CERT1: variants seen among roughly 807,000 people sequenced by gnomAD.
CERT1 encodes ceramide transfer protein.
Under a neutral mutation model 87.9 loss-of-function variants are expected in CERT1, and 31 were observed. That is an observed-to-expected ratio of 0.35 (90% confidence interval 0.27 to 0.48). CERT1 has a LOEUF of 0.48. CERT1 is among the 20% of genes least tolerant of loss of function. The probability of loss-of-function intolerance (pLI) is 0.99; values close to 1 mark genes in which losing one functional copy is unlikely to be tolerated. For missense variants in CERT1, 487 were observed against 758.0 expected (o/e 0.64, Z 4.20); for synonymous variants, 289 against 250.9 (o/e 1.15, Z -1.44).
intron 2 of CERT1, among the ~76,000 whole-genome samples, chr5:75,482,997 C>T (rs925626408): frequency 9.2e-5 from 14 of 151,922 alleles, no homozygotes; most frequent in African/African-American, 3.4e-4. Context: ...ACATCCATAG[C>T]ATTAAGAACA....
At position 75,426,488 on chromosome 5, in the gene CERT1, A is replaced by C. The variant is rs1763623241; in HGVS notation, c.349-10T>G. 3 of 1,579,336 alleles carry C rather than the reference A, an allele frequency of 1.9e-6. No homozygotes were observed. Among genetic ancestry groups the C allele is most frequent in the Admixed American group, 1.7e-5 (1 of 59,096 alleles). Reference sequence around the variant, plus strand: ...CATATCCAGATTCAGTCTAAAAAAAAAAGTAAACTATGTGAAAAGAATTTA... The same window carrying C: ...CATATCCAGATTCAGTCTAAAAAAACAAGTAAACTATGTGAAAAGAATTTA... On this transcript the variant is annotated splice_polypyrimidine_tract_variant and intron_variant, in intron 3 of 16. Transcript: ENST00000643780.
At chr5:75,411,400 G>A (rs1161412128) in intron 7 of CERT1, among the ~76,000 whole-genome samples, 2 of 152,104 alleles carry the variant, frequency 1.3e-5, no homozygotes, top group Non-Finnish European at 2.9e-5. Flanking sequence ...TGCAACCTCC[G>A]CCTCCTGGGT....
chr5:75,430,122 T>C (rs558051357), intron 3 of CERT1, among the ~76,000 whole-genome samples: 1 of 152,266 alleles, frequency 6.6e-6, no homozygotes, highest in African/African-American at 2.4e-5. Context: ...AGGCAGACAC[T>C]AGGAATTTAT....
intron 2 of CERT1, among the ~76,000 whole-genome samples, chr5:75,483,850 GA>G (rs930876567): frequency 1.1e-3 from 154 of 141,660 alleles, no homozygotes; most frequent in Middle Eastern, 3.6e-3. Context: ...TCAGTCTGGG[GA>G]AAAAAAAAAA....
At chr5:75,447,477 T>TATTTA (rs575951035) in intron 3 of CERT1, among the ~76,000 whole-genome samples, 3 of 129,458 alleles carry the variant, frequency 2.3e-5, no homozygotes, top group African/African-American at 7.2e-5. Context: ...TTTATTTATT[T>TATTTA]TTTATTTTTT....
chr5:75,371,367 G>A (rs1761080026), intron 17 of CERT1: 1 of 152,184 alleles, frequency 6.6e-6, no homozygotes. Context: ...ACAAATAACT[G>A]ATAAGCTTAA....
At position 75,441,159 on chromosome 5, in the gene CERT1, C is replaced by T. The variant is rs187292945; in HGVS notation, c.349-14681G>A. ...ATGGTGGTTCCATAGGATTATAATACCATATTTTTATTGTACCTTTTCTAT... is the reference window on the plus strand; with the variant it reads ...ATGGTGGTTCCATAGGATTATAATATCATATTTTTATTGTACCTTTTCTAT... On this transcript the variant is annotated intron_variant, in intron 3 of 16. Transcript: ENST00000643780. Among the ~76,000 whole-genome samples the T allele has an allele frequency of 1.4e-3, 215 of 152,176 alleles. 1 individual carries two copies. The highest frequency in any genetic ancestry group is 4.3e-3 in the African/African-American group (179 of 41,524).
intron 2 of CERT1, among the ~76,000 whole-genome samples, chr5:75,468,617 C>G (rs915333966): frequency 2.0e-5 from 3 of 152,126 alleles, no homozygotes; most frequent in Non-Finnish European, 4.4e-5. Flanking sequence ...TCAGTCAAAC[C>G]TCAGTAACAG....
intron 7 of CERT1, among the ~76,000 whole-genome samples, chr5:75,414,209 C>T (rs1763045220): frequency 6.6e-6 from 1 of 152,112 alleles, no homozygotes; most frequent in African/African-American, 2.4e-5. Context: ...TCTATAATGA[C>T]ATAGGTTAAA....
At chr5:75,443,932 A>G (rs898355228) in intron 3 of CERT1, among the ~76,000 whole-genome samples, 1 of 151,904 alleles carries the variant, frequency 6.6e-6, no homozygotes, top group Non-Finnish European at 1.5e-5. Flanking sequence ...CTTAAAGTCT[A>G]TTTTCTCTGA....
At chr5:75,386,877 T>C (rs1038158019) in intron 12 of CERT1, among the ~76,000 whole-genome samples, 2 of 152,180 alleles carry the variant, frequency 1.3e-5, no homozygotes, top group Non-Finnish European at 2.9e-5. Flanking sequence ...TATTCTTTTT[T>C]GTTTTTTGAG....
chr5:75,427,303 C>T (rs192014949), intron 3 of CERT1, among the ~76,000 whole-genome samples: 7 of 152,238 alleles, frequency 4.6e-5, no homozygotes, highest in East Asian at 1.9e-4. Flanking sequence ...TTTAAAAGTA[C>T]GGTGAATTAG....
intron 8 of CERT1, 83 bp from the exon 9 acceptor site, chr5:75,403,141 G>A: frequency 1.1e-6 from 1 of 882,798 alleles, no homozygotes; most frequent in Non-Finnish European, 1.9e-6. Flanking sequence ...ACTTGAGTTT[G>A]AAAATTGACC....
At chr5:75,398,432 CA>C (rs1377686764) in intron 11 of CERT1, among the ~76,000 whole-genome samples, 7 of 152,000 alleles carry the variant, frequency 4.6e-5, no homozygotes, top group African/African-American at 1.7e-4. Flanking sequence ...AAATGAAGCA[CA>C]AAAAAGTTAG....
chr5:75,485,965 C>T (rs1465239808), intron 2 of CERT1, among the ~76,000 whole-genome samples: 2 of 152,050 alleles, frequency 1.3e-5, no homozygotes, highest in Middle Eastern at 3.4e-3. Context: ...CAAACTATTC[C>T]GAAAAACAGA....
At chr5:75,411,253 G>A (rs950156525) in intron 7 of CERT1, 150 bp from the exon 8 acceptor site, 2 of 574,204 alleles carry the variant, frequency 3.5e-6, no homozygotes, top group Non-Finnish European at 6.1e-6. Flanking sequence ...GTATTATTCT[G>A]CCCAAGAAAA....
At chr5:75,495,745 A>G (rs768461076) in intron 2 of CERT1, among the ~76,000 whole-genome samples, 2 of 152,172 alleles carry the variant, frequency 1.3e-5, no homozygotes, top group Non-Finnish European at 2.9e-5. Flanking sequence ...AAAAATGTAA[A>G]AACAGTGAGA....
intron 3 of CERT1, among the ~76,000 whole-genome samples, chr5:75,446,906 G>C (rs1034510912): frequency 1.3e-5 from 2 of 152,184 alleles, no homozygotes; most frequent in Non-Finnish European, 2.9e-5. Context: ...AAGTCTCCTA[G>C]AAATCACTAC....
intron 11 of CERT1, among the ~76,000 whole-genome samples, chr5:75,389,961 C>T (rs754982394): frequency 2.5e-4 from 38 of 152,070 alleles, no homozygotes; most frequent in Admixed American, 1.3e-4. Context: ...CCAAAATAAG[C>T]ATTTTCAGGA....
Sources: allele counts gnomAD v4.1 joint callset (sites outside exome capture counted in the v4.1 genomes callset), GRCh38; gene constraint gnomAD v4.1.1; transcripts MANE v1.5; gene names NCBI Gene and HGNC (gene_info 2026-07-23, HGNC 2026-07-21).